SYT14: variants seen among roughly 807,000 people sequenced by gnomAD.
The protein encoded by SYT14 is synaptotagmin-14.
A neutral mutation model predicts 74.2 loss-of-function variants in SYT14; 32 were observed. The ratio of observed to expected loss-of-function variants is 0.43; its 90% CI spans 0.33 to 0.58. The LOEUF (loss-of-function observed/expected upper bound fraction) is 0.58. Among genes scored for constraint, SYT14 ranks in the 20% least tolerant of loss-of-function variants. The probability of loss-of-function intolerance (pLI) is 0.05; values close to 1 mark genes in which losing one functional copy is unlikely to be tolerated. For missense variants in SYT14, 791 were observed against 981.8 expected (o/e 0.81, Z 2.60); for synonymous variants, 298 against 337.7 (o/e 0.88, Z 1.29).
chr1:209,972,569 G>T (rs2102758416), intron 2 of SYT14, among the ~76,000 whole-genome samples: 1 of 152,120 alleles, frequency 6.6e-6, no homozygotes, highest in South Asian at 2.1e-4. Context: ...TTATTTTAAA[G>T]ATTTTTTAAA....
At chr1:209,941,330 G>A (rs147459519) in intron 1 of SYT14, among the ~76,000 whole-genome samples, 12 of 152,240 alleles carry the variant, frequency 7.9e-5, no homozygotes, top group African/African-American at 2.6e-4. Context: ...GCTATATTAG[G>A]CAAAGTTACA....
At chr1:209,947,273 C>T (rs2078838112) in intron 1 of SYT14, among the ~76,000 whole-genome samples, 1 of 152,114 alleles carries the variant, frequency 6.6e-6, no homozygotes, top group South Asian at 2.1e-4. Context: ...GCTGTAGCTG[C>T]CATAGATAGT....
intron 5 of SYT14, among the ~76,000 whole-genome samples, chr1:210,052,681 A>AAAAAAAAAAAAAAAAAAAAAAC: frequency 6.7e-6 from 1 of 150,112 alleles, no homozygotes; most frequent in Non-Finnish European, 1.5e-5. Flanking sequence ...AAAAAAAAAA[A>AAAAAAAAAAAAAAAAAAAAAAC]AAAGCTCTCC....
At chr1:209,993,882 T>C (rs1408384900) in intron 2 of SYT14, among the ~76,000 whole-genome samples, 1 of 152,168 alleles carries the variant, frequency 6.6e-6, no homozygotes, top group African/African-American at 2.4e-5. Context: ...AGCTACTGGA[T>C]TGTAGCCCAA....
chr1:210,143,987 T>G (rs1407415233), intron 7 of SYT14, among the ~76,000 whole-genome samples: 1 of 152,162 alleles, frequency 6.6e-6, no homozygotes, highest in East Asian at 1.9e-4. Context: ...AAATTGAGTC[T>G]CAAGGAACTT....
At chr1:210,081,795 TA>T (rs2081621804) in intron 5 of SYT14, among the ~76,000 whole-genome samples, 2 of 152,174 alleles carry the variant, frequency 1.3e-5, no homozygotes, top group Non-Finnish European at 2.9e-5. Context: ...CAAAACAGAA[TA>T]AACAATATCA....
At chr1:209,990,541 A>ATATATG (rs2079649425) in intron 2 of SYT14, among the ~76,000 whole-genome samples, 3 of 9,252 alleles carry the variant, frequency 3.2e-4, no homozygotes, top group African/African-American at 1.4e-3. Flanking sequence ...ATATATACGT[A>ATATATG]TATATATGTA....
intron 1 of SYT14, among the ~76,000 whole-genome samples, chr1:209,939,547 A>AT (rs2078696047): frequency 3.3e-5 from 5 of 152,214 alleles, no homozygotes; most frequent in Admixed American, 3.3e-4. Flanking sequence ...AATGGTGGGG[A>AT]ATAAGATCTA....
intron 5 of SYT14, among the ~76,000 whole-genome samples, chr1:210,042,382 A>ATT (rs773910304): frequency 3.3e-5 from 5 of 152,142 alleles, no homozygotes. Flanking sequence ...CCATTTGTCA[A>ATT]TTTGGCTTTT....
At chr1:209,962,504 T>TAGTAG in intron 2 of SYT14, among the ~76,000 whole-genome samples, 1 of 152,230 alleles carries the variant, frequency 6.6e-6, no homozygotes, top group South Asian at 2.1e-4. Context: ...ATTTACAATT[T>TAGTAG]AGTAGAAGGT....
intron 2 of SYT14, among the ~76,000 whole-genome samples, chr1:210,003,935 A>AT (rs1182528092): frequency 6.6e-6 from 1 of 151,622 alleles, no homozygotes; most frequent in Non-Finnish European, 1.5e-5. Flanking sequence ...CTGCTTTTTA[A>AT]TTTTTTTTCC....
intron 2 of SYT14, among the ~76,000 whole-genome samples, chr1:210,004,685 A>G (rs912702833): frequency 2.0e-5 from 3 of 152,010 alleles, no homozygotes; most frequent in African/African-American, 7.2e-5. Flanking sequence ...CTCTAAGGAC[A>G]GGACTCAAAC....
chr1:210,154,234 C>G (rs894066179), intron 7 of SYT14, among the ~76,000 whole-genome samples: 3 of 152,116 alleles, frequency 2.0e-5, no homozygotes, highest in Admixed American at 6.5e-5. Context: ...AGAAAGATGT[C>G]TATTTCAGAG....
At chr1:209,965,793 A>G in intron 2 of SYT14, 1 of 398,302 alleles carries the variant, frequency 2.5e-6, no homozygotes, top group Non-Finnish European at 4.9e-6. Context: ...CATTTTTTGA[A>G]AAAAACTATC....
chr1:210,010,634 ATACT>A (rs1017386448), intron 2 of SYT14, among the ~76,000 whole-genome samples: 17 of 152,158 alleles, frequency 1.1e-4, no homozygotes, highest in African/African-American at 4.1e-4. Context: ...ACTGTATGTT[ATACT>A]TACTTGCTTA....
At chr1:209,998,157 C>T (rs923570198) in intron 2 of SYT14, among the ~76,000 whole-genome samples, 1 of 151,546 alleles carries the variant, frequency 6.6e-6, no homozygotes, top group African/African-American at 2.4e-5. Context: ...TTTCTATACA[C>T]CAATAATGAG....
rs1181386140 is a variant in SYT14, at chr1:209,961,072, A to G, written c.-486+8316A>G. On this transcript the variant is annotated intron_variant, in intron 2 of 9. Coordinates refer to ENST00000637265, the Ensembl canonical transcript of SYT14. ...CAAATGGAAATCCAGTTAGGTGTTTATATTTTACTGTCTACACCCTCGGAT... is the reference window on the plus strand; with the variant it reads ...CAAATGGAAATCCAGTTAGGTGTTTGTATTTTACTGTCTACACCCTCGGAT... Among the ~76,000 whole-genome samples, 3 of 152,258 alleles carry G rather than the reference A, an allele frequency of 2.0e-5. No individual in the cohort carries two copies. The East Asian group carries it at 5.8e-4, about 29-fold the overall frequency.
chr1:209,952,263 G>C (rs1238794230), intron 1 of SYT14, among the ~76,000 whole-genome samples: 3 of 152,088 alleles, frequency 2.0e-5, no homozygotes, highest in African/African-American at 7.2e-5. Context: ...ATTTATAATA[G>C]TGGGTTGTTG....
At chr1:209,955,834 G>A (rs1363233708) in intron 2 of SYT14, among the ~76,000 whole-genome samples, 1 of 151,996 alleles carries the variant, frequency 6.6e-6, no homozygotes, top group Non-Finnish European at 1.5e-5. Flanking sequence ...AATCCATTGT[G>A]GTTCAAAATT....
Sources: gnomAD v4.1 joint callset for allele counts (sites outside exome capture counted in the v4.1 genomes callset) on GRCh38, gnomAD v4.1.1 for gene constraint, MANE v1.5 for transcripts, NCBI Gene and HGNC (gene_info 2026-07-23, HGNC 2026-07-21) for gene names.